The following BLVRB variants were observed in gnomAD, a reference collection of about 807,000 sequenced individuals.
BLVRB encodes the protein flavin reductase (NADPH).
BLVRB carries 25 observed loss-of-function variants against 21.1 expected under a neutral mutation model. The observed-to-expected ratio is 1.19, with a 90% CI of 0.86 to 1.66. The LOEUF (loss-of-function observed/expected upper bound fraction) is 1.66. BLVRB is among the 40% of genes most tolerant of loss of function. The pLI is 0.00. For missense variants in BLVRB, 274 were observed against 282.7 expected, an observed-to-expected ratio of 0.97 and a Z score of 0.22; for synonymous variants, 128 against 122.2, an observed-to-expected ratio of 1.05 and a Z score of -0.31.
At chr19:40,451,725 G>A (rs1043996419) in intron 3 of BLVRB, among the ~76,000 whole-genome samples, 2 of 152,084 alleles carry the variant, frequency 1.3e-5, no homozygotes, top group Non-Finnish European at 2.9e-5. Flanking sequence ...TACAGACAGG[G>A]TTTTGCCATG....
At chr19:40,453,652 C>T (rs1333162296) in intron 3 of BLVRB, among the ~76,000 whole-genome samples, 1 of 152,152 alleles carries the variant, frequency 6.6e-6, no homozygotes, top group Non-Finnish European at 1.5e-5. Flanking sequence ...ACTGGATCGA[C>T]CACTGGCCAG....
chr19:40,455,414 A>G (rs2079758235), intron 3 of BLVRB, among the ~76,000 whole-genome samples: 1 of 152,204 alleles, frequency 6.6e-6, no homozygotes, highest in African/African-American at 2.4e-5. Flanking sequence ...ACTCCATTTC[A>G]AATAGTTTAG....
At position 40,447,937 on chromosome 19, in the gene BLVRB, G is replaced by A. The variant is rs376664931; in HGVS notation, c.573C>T (p.Thr191=). 113 of 1,613,980 alleles carry A rather than the reference G, an allele frequency of 7.0e-5. No individual in the cohort carries two copies. Among genetic ancestry groups the A allele is most frequent in the Non-Finnish European group, 9.3e-5 (110 of 1,180,014 alleles). ...LGHFMLRCLT[T]DEYDGHSTYP... ...AGGTGCTGTGTCCGTCGTACTCATC[G>A]GTGGTGAGGCAGCGCAGCATGAAAT... is the stretch of plus-strand genomic sequence containing the variant. Residue 191 remains threonine, a synonymous_variant, in exon 5 of 5, where the codon ACC becomes ACT. Coordinates refer to ENST00000263368, the MANE Select transcript of BLVRB (RefSeq NM_000713.3).
chr19:40,451,123 A>G (rs2079737850), intron 4 of BLVRB, among the ~76,000 whole-genome samples: 1 of 152,182 alleles, frequency 6.6e-6, no homozygotes, highest in African/African-American at 2.4e-5. Flanking sequence ...GAAGCTGCCT[A>G]GGGGCTGCCA....
At chr19:40,457,126 T>A (rs1013898310) in intron 3 of BLVRB, among the ~76,000 whole-genome samples, 1 of 148,392 alleles carries the variant, frequency 6.7e-6, no homozygotes, top group Admixed American at 6.8e-5. Context: ...TGAGCCATGG[T>A]TGCACCACTG....
chr19:40,460,887 G>A (rs928924881), intron 1 of BLVRB, among the ~76,000 whole-genome samples: 2 of 152,016 alleles, frequency 1.3e-5, no homozygotes, highest in South Asian at 2.1e-4. Flanking sequence ...CAGAAGAATC[G>A]CTTGAACCCA....
rs751696189 is a variant in BLVRB at position 40,459,327 on chromosome 19, C to CAAAAAAAAAAAAAA, written c.80-796_80-783dup. On this transcript the variant is annotated intron_variant, in intron 1 of 4. Transcript: ENST00000263368. ...TGGATGACAAAGCGAGACTCTATCTCAAAAAAAAAAAAAAAAAAAAAAAAA... is the reference window on the plus strand; with the variant it reads ...TGGATGACAAAGCGAGACTCTATCTCAAAAAAAAAAAAAAAAAAAAAAAAAAAAAAAAAAAAAAA... 3.5e-4 allele frequency among the ~76,000 whole-genome samples: 12 copies of CAAAAAAAAAAAAAA among 34,428 alleles called. 2 individuals carry two copies. The highest frequency in any genetic ancestry group is 5.3e-4 in the Non-Finnish European group (10 of 18,952). 22.6% of individuals were successfully genotyped at this position (34,428 alleles called of 152,430 possible). A position where few individuals can be genotyped will look rare whatever the true frequency, so the allele number is the denominator to read the frequency against.
intron 4 of BLVRB, among the ~76,000 whole-genome samples, chr19:40,449,782 TGGAG>T (rs2079730735): frequency 6.6e-6 from 1 of 152,072 alleles, no homozygotes; most frequent in African/African-American, 2.4e-5. Context: ...TATATATTCA[TGGAG>T]AGAGAGAGAG....
In BLVRB at chr19:40,458,376, A is replaced by G. The variant is rs746270927; in HGVS notation, c.244+5T>C. 2 of 1,576,154 alleles carry G rather than the reference A, an allele frequency of 1.3e-6. No individual in the cohort carries two copies. Among genetic ancestry groups the G allele is most frequent in the Admixed American group, 1.8e-5 (1 of 55,396 alleles). ...AGGGCCGTGGGCAGAGGGGGGGCTC[A>G]GTACTGAGGTCATTGCGGGTGCCCA... On this transcript the variant is annotated splice_donor_5th_base_variant and intron_variant, in intron 2 of 4. Coordinates refer to ENST00000263368, the MANE Select transcript of BLVRB (RefSeq NM_000713.3).
chr19:40,464,136 A>T (rs1384070962), intron 1 of BLVRB, among the ~76,000 whole-genome samples: 5 of 151,962 alleles, frequency 3.3e-5, no homozygotes, highest in African/African-American at 1.2e-4. Flanking sequence ...CCCAGGCTGG[A>T]GTGCAGTGGT....
chr19:40,461,547 T>C (rs2079787739), intron 1 of BLVRB, among the ~76,000 whole-genome samples: 1 of 151,160 alleles, frequency 6.6e-6, no homozygotes, highest in Non-Finnish European at 1.5e-5. Context: ...TTGCCCAGTC[T>C]GGAGTGCAGT....
chr19:40,458,341 G>A (rs2079771466), intron 2 of BLVRB, 40 bp downstream of exon 2: 2 of 1,526,422 alleles, frequency 1.3e-6, no homozygotes, highest in South Asian at 2.4e-5. Flanking sequence ...TGGGGGCCGA[G>A]GTGTAGGGGA....
At chr19:40,453,857 G>A (rs146120038) in intron 3 of BLVRB, among the ~76,000 whole-genome samples, 103 of 152,180 alleles carry the variant, frequency 6.8e-4, no homozygotes, top group African/African-American at 2.4e-3. Flanking sequence ...CAGGCGTGGG[G>A]ACCTGTGGTC....
At chr19:40,462,613 C>T (rs1286477561) in intron 1 of BLVRB, among the ~76,000 whole-genome samples, 3 of 146,600 alleles carry the variant, frequency 2.0e-5, no homozygotes, top group East Asian at 2.2e-4. Flanking sequence ...AGCCATTGGC[C>T]GGGCGTGGTG....
At chr19:40,463,069 C>T (rs1175524520) in intron 1 of BLVRB, among the ~76,000 whole-genome samples, 2 of 152,106 alleles carry the variant, frequency 1.3e-5, no homozygotes, top group African/African-American at 4.8e-5. Flanking sequence ...TGTTGATACA[C>T]GTTGTGACCA....
intron 3 of BLVRB, among the ~76,000 whole-genome samples, chr19:40,455,449 C>G (rs1439233546): frequency 1.3e-5 from 2 of 152,150 alleles, no homozygotes; most frequent in Non-Finnish European, 2.9e-5. Context: ...GTGGCTCATG[C>G]CTGTAATCCA....
At chr19:40,448,479 T>A (rs1213815163) in intron 4 of BLVRB, among the ~76,000 whole-genome samples, 1 of 151,680 alleles carries the variant, frequency 6.6e-6, no homozygotes, top group Non-Finnish European at 1.5e-5. Context: ...TAGTCCCAAC[T>A]ACTCAGGAGG....
At chr19:40,455,821 A>G (rs999309322) in intron 3 of BLVRB, among the ~76,000 whole-genome samples, 1 of 152,124 alleles carries the variant, frequency 6.6e-6, no homozygotes, top group Non-Finnish European at 1.5e-5. Flanking sequence ...AAAATCAGGA[A>G]TATGGCTGTT....
intron 4 of BLVRB, among the ~76,000 whole-genome samples, chr19:40,448,330 C>A (rs1488839844): frequency 6.6e-6 from 1 of 151,808 alleles, no homozygotes; most frequent in African/African-American, 2.4e-5. Flanking sequence ...GTGGCTCATG[C>A]CTGTAATCCT....
Sources: allele counts gnomAD v4.1 joint callset (sites outside exome capture counted in the v4.1 genomes callset), GRCh38; gene constraint gnomAD v4.1.1; transcripts MANE v1.5; gene names NCBI Gene and HGNC (gene_info 2026-07-23, HGNC 2026-07-21).